MGAT4C: variants seen among roughly 807,000 people sequenced by gnomAD.
MGAT4C encodes MGAT4 family member C, also known as alpha-1,3-mannosyl-glycoprotein 4-beta-N-acetylglucosaminyltransferase C.
MGAT4C carries 19 observed loss-of-function variants against 40.1 expected under a neutral mutation model. The ratio of observed to expected loss-of-function variants is 0.47; its 90% confidence interval spans 0.33 to 0.70. MGAT4C has a LOEUF of 0.70. MGAT4C is among the 30% of genes least tolerant of loss of function. MGAT4C has a pLI of 0.02. For missense variants in MGAT4C, 491 were observed against 563.2 expected, an observed-to-expected ratio of 0.87 and a Z score of 1.30; for synonymous variants, 181 against 187.1, an observed-to-expected ratio of 0.97 and a Z score of 0.27.
chr12:86,700,162 CAGACAGACAGACAGACAGATAGATAGAT>C (rs1950336350), intron 2 of MGAT4C, among the ~76,000 whole-genome samples: 1 of 41,946 alleles, frequency 2.4e-5, no homozygotes, highest in African/African-American at 6.3e-5. Flanking sequence ...GACAGACAGA[CAGACAGACAGACAGACAGATAGATAGAT>C]AGATAGATAG....
chr12:86,360,731 T>A (rs1036952280), intron 3 of MGAT4C, among the ~76,000 whole-genome samples: 2 of 152,178 alleles, frequency 1.3e-5, no homozygotes, highest in African/African-American at 2.4e-5. Context: ...AAACTCTCAT[T>A]CACAATTGCT....
intron 2 of MGAT4C, among the ~76,000 whole-genome samples, chr12:86,588,531 C>G (rs1961170499): frequency 6.6e-6 from 1 of 152,114 alleles, no homozygotes; most frequent in African/African-American, 2.4e-5. Flanking sequence ...AGGAATTGAA[C>G]TCAGCTCGGC....
intron 1 of MGAT4C, among the ~76,000 whole-genome samples, chr12:86,175,854 C>G (rs1254921714): frequency 1.3e-5 from 2 of 150,584 alleles, no homozygotes; most frequent in Non-Finnish European, 2.9e-5. Context: ...GCCAGTAGTT[C>G]CAGCTACTCG....
At chr12:86,357,671 A>G (rs978007851) in intron 3 of MGAT4C, among the ~76,000 whole-genome samples, 1 of 152,208 alleles carries the variant, frequency 6.6e-6, no homozygotes, top group South Asian at 2.1e-4. Context: ...CACAAGAACT[A>G]TGTGACACAG....
intron 2 of MGAT4C, among the ~76,000 whole-genome samples, chr12:86,039,767 A>G (rs1330679332): frequency 2.6e-5 from 4 of 152,030 alleles, no homozygotes; most frequent in Non-Finnish European, 4.4e-5. Flanking sequence ...TTCCCTTGCT[A>G]GCAGGGAGTT....
chr12:86,214,618 A>G (rs1478472344), intron 1 of MGAT4C, among the ~76,000 whole-genome samples: 1 of 152,160 alleles, frequency 6.6e-6, no homozygotes, highest in Non-Finnish European at 1.5e-5. Context: ...GTGTCCTCAC[A>G]TGGTAGAAAG....
intron 2 of MGAT4C, among the ~76,000 whole-genome samples, chr12:86,011,236 G>T (rs942052835): frequency 6.6e-6 from 1 of 152,070 alleles, no homozygotes; most frequent in Non-Finnish European, 1.5e-5. Flanking sequence ...GCCAAAAATT[G>T]CCAAATATCA....
chr12:86,241,062 T>C (rs992406386), intron 1 of MGAT4C, among the ~76,000 whole-genome samples: 1 of 152,138 alleles, frequency 6.6e-6, no homozygotes, highest in Non-Finnish European at 1.5e-5. Flanking sequence ...AAATTATGCA[T>C]TCCAGGCAAA....
At chr12:86,481,676 AT>A (rs1279865353) in intron 2 of MGAT4C, among the ~76,000 whole-genome samples, 2 of 151,994 alleles carry the variant, frequency 1.3e-5, no homozygotes, top group African/African-American at 4.8e-5. Context: ...CTAGTTAACT[AT>A]CCAAAATGAT....
intron 1 of MGAT4C, among the ~76,000 whole-genome samples, chr12:86,056,166 A>G (rs918306646): frequency 6.6e-6 from 1 of 152,150 alleles, no homozygotes; most frequent in Non-Finnish European, 1.5e-5. Flanking sequence ...GCTAAACTTT[A>G]TGTCAGTTTG....
intron 2 of MGAT4C, among the ~76,000 whole-genome samples, chr12:86,703,759 C>T (rs981571403): frequency 6.6e-6 from 1 of 152,008 alleles, no homozygotes; most frequent in Non-Finnish European, 1.5e-5. Context: ...CTATGTATGC[C>T]TCTACTTAAA....
At chr12:86,448,128 C>T (rs938061981) in intron 2 of MGAT4C, among the ~76,000 whole-genome samples, 1 of 152,148 alleles carries the variant, frequency 6.6e-6, no homozygotes, top group Non-Finnish European at 1.5e-5. Flanking sequence ...TCCCATTTCC[C>T]TCAATCTTTG....
chr12:86,194,651 A>G (rs1225975190), intron 1 of MGAT4C, among the ~76,000 whole-genome samples: 3 of 151,242 alleles, frequency 2.0e-5, no homozygotes, highest in Admixed American at 1.3e-4. Context: ...TTTAGTAGAC[A>G]TGGGGTTTCA....
At chr12:86,722,750 A>G (rs1483404886) in intron 2 of MGAT4C, among the ~76,000 whole-genome samples, 1 of 152,208 alleles carries the variant, frequency 6.6e-6, no homozygotes, top group Non-Finnish European at 1.5e-5. Context: ...GCAAATAAAA[A>G]CAAAAGCAGT....
chr12:86,205,682 G>T (rs1950222922), intron 1 of MGAT4C, among the ~76,000 whole-genome samples: 1 of 152,048 alleles, frequency 6.6e-6, no homozygotes, highest in Non-Finnish European at 1.5e-5. Context: ...CTTTAATGCA[G>T]ATTGATAAAT....
chr12:86,752,764 A>G (rs1294459809), intron 1 of MGAT4C, among the ~76,000 whole-genome samples: 1 of 152,136 alleles, frequency 6.6e-6, no homozygotes, highest in Non-Finnish European at 1.5e-5. Context: ...TATCTAGACA[A>G]CAGATTTTTG....
chr12:86,132,660 C>A (rs1253941539), intron 1 of MGAT4C, among the ~76,000 whole-genome samples: 1 of 152,010 alleles, frequency 6.6e-6, no homozygotes, highest in East Asian at 1.9e-4. Context: ...GGCATGGTGG[C>A]GGATGCCTGT....
intron 2 of MGAT4C, among the ~76,000 whole-genome samples, chr12:86,578,967 A>T (rs538376405): frequency 3.0e-4 from 46 of 151,326 alleles, no homozygotes; most frequent in African/African-American, 1.0e-3. Context: ...ATTTTTTCTG[A>T]TATAAGTATA....
intron 1 of MGAT4C, among the ~76,000 whole-genome samples, chr12:86,161,480 C>T (rs1263008190): frequency 1.3e-5 from 2 of 152,116 alleles, no homozygotes; most frequent in Non-Finnish European, 2.9e-5. Context: ...CTGGACCCTA[C>T]CTTTCACCAT....
Sources: allele counts gnomAD v4.1 joint callset (sites outside exome capture counted in the v4.1 genomes callset), GRCh38; gene constraint gnomAD v4.1.1; transcripts MANE v1.5; gene names NCBI Gene and HGNC (gene_info 2026-07-23, HGNC 2026-07-21).